Variants in PTPRD observed in about 807,000 individuals in gnomAD.
The protein encoded by PTPRD is protein tyrosine phosphatase receptor type D.
In PTPRD, 34 loss-of-function variants were observed where a neutral mutation model predicts 214.5. That is an observed-to-expected ratio of 0.16 (90% CI 0.12 to 0.21). The LOEUF is 0.21. Among genes scored for constraint, PTPRD ranks in the 10% least tolerant of loss-of-function variants. PTPRD has a pLI of 1.00. For synonymous variants in PTPRD, 1,128 were observed against 845.7 expected (o/e 1.33, Z -5.79); for missense variants, 2,545 against 2,398.7 (o/e 1.06, Z -1.27).
intron 2 of PTPRD, among the ~76,000 whole-genome samples, chr9:10,439,087 TTGCCACTGAGAATTCCTC>T (rs986341088): frequency 6.6e-6 from 1 of 151,818 alleles, no homozygotes; most frequent in Non-Finnish European, 1.5e-5. Flanking sequence ...TTACCTTCAC[TTGCCACTGAGAATTCCTC>T]TGCCACCAGC....
intron 2 of PTPRD, among the ~76,000 whole-genome samples, chr9:10,506,710 A>G (rs1352253683): frequency 6.6e-6 from 1 of 152,174 alleles, no homozygotes; most frequent in African/African-American, 2.4e-5. Flanking sequence ...GTTTCCTGCA[A>G]TCAGTGACAT....
chr9:8,567,764 A>G (rs1007213844), intron 14 of PTPRD, among the ~76,000 whole-genome samples: 1 of 152,126 alleles, frequency 6.6e-6, no homozygotes, highest in Non-Finnish European at 1.5e-5. Flanking sequence ...AATTATAGAT[A>G]TTTTTAGTCT....
intron 3 of PTPRD, among the ~76,000 whole-genome samples, chr9:10,239,843 C>G (rs1319852828): frequency 4.6e-5 from 7 of 151,868 alleles, no homozygotes; most frequent in Non-Finnish European, 1.0e-4. Flanking sequence ...GCCCCTCAGT[C>G]TCCCCTGAGG....
intron 8 of PTPRD, among the ~76,000 whole-genome samples, chr9:9,499,468 C>T (rs544137658): frequency 1.4e-4 from 21 of 152,174 alleles, no homozygotes; most frequent in African/African-American, 5.1e-4. Context: ...TTATTATAAA[C>T]TTTACTTCAG....
chr9:9,486,513 T>C (rs1261706714), intron 8 of PTPRD, among the ~76,000 whole-genome samples: 1 of 152,156 alleles, frequency 6.6e-6, no homozygotes, highest in African/African-American at 2.4e-5. Context: ...TTATGCTTTT[T>C]TTTTCCTCCC....
intron 5 of PTPRD, among the ~76,000 whole-genome samples, chr9:9,806,967 G>A (rs1454003555): frequency 6.6e-6 from 1 of 152,060 alleles, no homozygotes; most frequent in Admixed American, 6.6e-5. Context: ...GAAGAACCTG[G>A]GGAAAAGAAA....
chr9:10,148,171 G>A (rs2099036857), intron 3 of PTPRD, among the ~76,000 whole-genome samples: 1 of 152,288 alleles, frequency 6.6e-6, no homozygotes, highest in East Asian at 1.9e-4. Context: ...AGAAATCGGT[G>A]GAGTTGCTGG....
intron 9 of PTPRD, among the ~76,000 whole-genome samples, chr9:9,266,871 G>A (rs556214200): frequency 1.3e-5 from 2 of 150,988 alleles, no homozygotes; most frequent in Non-Finnish European, 3.0e-5. Flanking sequence ...TCTTTAATAA[G>A]CAACCAGTTT....
At chr9:10,157,681 T>G (rs1178235111) in intron 3 of PTPRD, among the ~76,000 whole-genome samples, 2 of 152,180 alleles carry the variant, frequency 1.3e-5, no homozygotes, top group Non-Finnish European at 2.9e-5. Context: ...TGTTGGCCTT[T>G]CTAGTTAGGT....
intron 7 of PTPRD, among the ~76,000 whole-genome samples, chr9:9,609,097 A>G (rs2094363783): frequency 6.6e-6 from 1 of 152,184 alleles, no homozygotes; most frequent in Non-Finnish European, 1.5e-5. Flanking sequence ...GAAGTGAAGA[A>G]ATTGGACTTA....
chr9:8,659,511 T>A (rs1038706842), intron 12 of PTPRD, among the ~76,000 whole-genome samples: 1 of 152,230 alleles, frequency 6.6e-6, no homozygotes, highest in Admixed American at 6.5e-5. Flanking sequence ...ACCCTCTCCA[T>A]CCAGGAATAT....
intron 9 of PTPRD, among the ~76,000 whole-genome samples, chr9:9,256,320 C>T (rs748973767): frequency 2.7e-4 from 41 of 152,082 alleles, no homozygotes; most frequent in Admixed American, 5.2e-4. Flanking sequence ...ATACAAATCA[C>T]ATTATCTTTC....
chr9:9,910,550 G>A (rs961611680), intron 5 of PTPRD, among the ~76,000 whole-genome samples: 1 of 151,910 alleles, frequency 6.6e-6, no homozygotes, highest in Non-Finnish European at 1.5e-5. Flanking sequence ...CTAGTACAAA[G>A]TATTGCCATT....
chr9:10,026,605 A>G (rs1367646761), intron 4 of PTPRD, among the ~76,000 whole-genome samples: 1 of 152,164 alleles, frequency 6.6e-6, no homozygotes, highest in Non-Finnish European at 1.5e-5. Flanking sequence ...TACAGTTACA[A>G]TAATACACCT....
At chr9:9,108,178 A>G (rs1243753617) in intron 10 of PTPRD, among the ~76,000 whole-genome samples, 1 of 152,138 alleles carries the variant, frequency 6.6e-6, no homozygotes, top group African/African-American at 2.4e-5. Context: ...TGTAAAACTT[A>G]TATTATTTAC....
At chr9:9,022,847 G>A (rs1589969855) in intron 10 of PTPRD, among the ~76,000 whole-genome samples, 2 of 152,098 alleles carry the variant, frequency 1.3e-5, no homozygotes, top group African/African-American at 4.8e-5. Flanking sequence ...CATATTCGTA[G>A]AGATCAGCCA....
At chr9:10,287,516 G>A (rs929098771) in intron 3 of PTPRD, among the ~76,000 whole-genome samples, 1 of 152,070 alleles carries the variant, frequency 6.6e-6, no homozygotes, top group African/African-American at 2.4e-5. Flanking sequence ...ACATAATGAT[G>A]CCGCCATTGC....
chr9:10,498,047 C>G (rs1359391239), intron 2 of PTPRD, among the ~76,000 whole-genome samples: 2 of 151,944 alleles, frequency 1.3e-5, no homozygotes, highest in Non-Finnish European at 2.9e-5. Context: ...GTTTTGCTTG[C>G]TTCATGCATA....
intron 7 of PTPRD, among the ~76,000 whole-genome samples, chr9:9,730,165 C>A (rs140017259): frequency 4.2e-4 from 64 of 152,112 alleles, no homozygotes; most frequent in Non-Finnish European, 7.4e-4. Flanking sequence ...GCATTCAATT[C>A]TTGGAAAATA....
Sources: gnomAD v4.1 joint callset for allele counts (sites outside exome capture counted in the v4.1 genomes callset) on GRCh38, gnomAD v4.1.1 for gene constraint, MANE v1.5 for transcripts, NCBI Gene and HGNC (gene_info 2026-07-23, HGNC 2026-07-21) for gene names.